The following GRIP1 variants were observed in gnomAD, a reference collection of about 807,000 sequenced individuals.
GRIP1 encodes the protein glutamate receptor-interacting protein 1.
GRIP1 carries 45 observed loss-of-function variants against 129.9 expected under a neutral mutation model. The observed-to-expected ratio is 0.35, with a 90% CI of 0.27 to 0.44. The LOEUF is 0.44. Ranked by LOEUF, GRIP1 falls within the 20% of genes least tolerant of loss-of-function variation. GRIP1 has a pLI of 1.00. For missense variants in GRIP1, 1,196 were observed against 1,396.8 expected, an observed-to-expected ratio of 0.86 and a Z score of 2.29; for synonymous variants, 530 against 520.8, an observed-to-expected ratio of 1.02 and a Z score of -0.24.
chr12:66,880,097 G>A lies in GRIP1; in HGVS notation c.58+188953C>T, dbSNP rs117228270. On this transcript the variant is annotated intron_variant, in intron 1 of 1. Transcript: ENST00000643019. ...ATGAGGCACAGAGAGTAGGTAATTTGTACAAGACCAGATAGCTTGAGGTTC... is the reference window on the plus strand; with the variant it reads ...ATGAGGCACAGAGAGTAGGTAATTTATACAAGACCAGATAGCTTGAGGTTC... Among the ~76,000 whole-genome samples, 28 of 152,200 alleles carry A rather than the reference G, an allele frequency of 1.8e-4. No homozygotes were observed. In the East Asian group the frequency reaches 2.1e-3, roughly 12 times the overall value.
intron 1 of GRIP1, among the ~76,000 whole-genome samples, chr12:66,673,096 C>T (rs989359939): frequency 4.6e-5 from 7 of 151,880 alleles, no homozygotes; most frequent in South Asian, 2.1e-4. Context: ...GGTTTCTATC[C>T]GTTTCTAGAA....
chr12:66,898,516 A>ATTG (rs2040790345), intron 1 of GRIP1, among the ~76,000 whole-genome samples: 1 of 152,094 alleles, frequency 6.6e-6, no homozygotes, highest in African/African-American at 2.4e-5. Flanking sequence ...CCTATTGATA[A>ATTG]TTGCATTTGC....
chr12:66,846,158 C>T (rs1431893152), intron 1 of GRIP1, among the ~76,000 whole-genome samples: 1 of 152,214 alleles, frequency 6.6e-6, no homozygotes, highest in African/African-American at 2.4e-5. Context: ...TTATAATTTT[C>T]ACTTGCTAAG....
At chr12:67,043,391 T>C (rs2043207340) in intron 1 of GRIP1, among the ~76,000 whole-genome samples, 1 of 152,154 alleles carries the variant, frequency 6.6e-6, no homozygotes, top group South Asian at 2.1e-4. Flanking sequence ...AGCCCTCAAA[T>C]ATCATTTTTC....
intron 1 of GRIP1, among the ~76,000 whole-genome samples, chr12:66,792,830 GA>G (rs1296240536): frequency 2.6e-5 from 4 of 152,034 alleles, no homozygotes; most frequent in Non-Finnish European, 4.4e-5. Flanking sequence ...GCTCAAACTG[GA>G]TAACATAAAT....
chr12:66,615,372 C>A (rs552317097), intron 1 of GRIP1, among the ~76,000 whole-genome samples: 33 of 152,202 alleles, frequency 2.2e-4, no homozygotes, highest in African/African-American at 7.7e-4. Context: ...AGGAGGGGAG[C>A]CACTAGCAGT....
chr12:66,989,885 G>A (rs1434453132), intron 1 of GRIP1, among the ~76,000 whole-genome samples: 1 of 152,150 alleles, frequency 6.6e-6, no homozygotes, highest in African/African-American at 2.4e-5. Flanking sequence ...GAGAGGCAGG[G>A]AAGAAAAGTG....
intron 1 of GRIP1, among the ~76,000 whole-genome samples, chr12:66,971,007 T>C (rs1349499741): frequency 6.6e-6 from 1 of 152,164 alleles, no homozygotes; most frequent in Admixed American, 6.5e-5. Context: ...TGTGAAAACC[T>C]GACGGGTTTC....
chr12:66,420,428 T>C (rs1227249898), intron 15 of GRIP1, among the ~76,000 whole-genome samples: 1 of 151,334 alleles, frequency 6.6e-6, no homozygotes, highest in African/African-American at 2.4e-5. Flanking sequence ...TTTTTTTTTT[T>C]TTTTTGGTCA....
intron 1 of GRIP1, among the ~76,000 whole-genome samples, chr12:66,607,578 A>G (rs1592639374): frequency 6.6e-6 from 1 of 152,186 alleles, no homozygotes; most frequent in Non-Finnish European, 1.5e-5. Flanking sequence ...GGCCACATCT[A>G]GCAACACAAT....
intron 1 of GRIP1, among the ~76,000 whole-genome samples, chr12:67,000,919 T>C (rs140198509): frequency 4.9e-4 from 74 of 152,328 alleles, no homozygotes; most frequent in African/African-American, 1.6e-3. Context: ...AATATTTGGG[T>C]AATATACTCC....
intron 1 of GRIP1, among the ~76,000 whole-genome samples, chr12:66,617,615 G>A (rs886308550): frequency 1.3e-5 from 2 of 151,914 alleles, no homozygotes; most frequent in African/African-American, 4.8e-5. Context: ...CAGAGAGACT[G>A]GCTTTGATTA....
chr12:66,369,116 T>C (rs41431145), intron 23 of GRIP1, among the ~76,000 whole-genome samples: 4,895 of 152,162 alleles, frequency 0.032, 278 homozygotes, highest in African/African-American at 0.11. Flanking sequence ...GAAAAAAAAG[T>C]GAAGCTTCAT....
intron 3 of GRIP1, among the ~76,000 whole-genome samples, chr12:66,540,182 T>C (rs544168092): frequency 6.6e-6 from 1 of 152,344 alleles, no homozygotes; most frequent in African/African-American, 2.4e-5. Context: ...ATGCCATTTT[T>C]ACTCCCAAAT....
chr12:66,445,481 A>C lies in GRIP1; in HGVS notation c.1382T>G (p.Leu461Trp), dbSNP rs567583705. Residue 461 changes from leucine (L) to tryptophan (W), a missense_variant, in exon 12 of 25, where the codon TTG (leucine) becomes TGG (tryptophan). Physicochemically the swap from Leu to Trp is moderately conservative, Grantham distance 61. Coordinates refer to ENST00000359742, the MANE Select transcript of GRIP1 (RefSeq NM_001366722.1). Reference sequence around the variant, plus strand: ...TTCTGTGTGAACAACCTGCCCAGCCAATCCTACTGTGCTGGAGGCTAAGGA... The same window carrying C: ...TTCTGTGTGAACAACCTGCCCAGCCCATCCTACTGTGCTGGAGGCTAAGGA... ...SLSLASSTVG[L>W]AGQVVHTETT... is the part of the protein sequence containing the mutation. 6.2e-7 allele frequency: 1 copy of C among 1,613,882 alleles called. No individual in the cohort carries two copies. Among genetic ancestry groups the C allele is most frequent in the East Asian group, 2.2e-5 (1 of 44,890 alleles).
intron 1 of GRIP1, among the ~76,000 whole-genome samples, chr12:66,665,340 C>T (rs1253078280): frequency 6.6e-6 from 1 of 152,140 alleles, no homozygotes; most frequent in Non-Finnish European, 1.5e-5. Context: ...ATGGCATACA[C>T]AAAGAATAGT....
intron 1 of GRIP1, among the ~76,000 whole-genome samples, chr12:67,042,068 C>T (rs1030532475): frequency 2.0e-5 from 3 of 152,110 alleles, no homozygotes; most frequent in Non-Finnish European, 2.9e-5. Context: ...TGAGTTATTG[C>T]AGGGGTGGGT....
intron 5 of GRIP1, among the ~76,000 whole-genome samples, chr12:66,524,530 T>C (rs1170449472): frequency 5.9e-5 from 9 of 151,838 alleles, no homozygotes; most frequent in Non-Finnish European, 1.3e-4. Context: ...TTCAAAGCAG[T>C]GTGTAGAGGG....
chr12:66,352,447 AAG>A, intron 24 of GRIP1, among the ~76,000 whole-genome samples: 1 of 152,252 alleles, frequency 6.6e-6, no homozygotes, highest in Middle Eastern at 3.4e-3. Context: ...AGAGTATACG[AAG>A]AGGTTGCGCA....
Sources: gnomAD v4.1 joint callset for allele counts (sites outside exome capture counted in the v4.1 genomes callset) on GRCh38, gnomAD v4.1.1 for gene constraint, MANE v1.5 for transcripts, NCBI Gene and HGNC (gene_info 2026-07-23, HGNC 2026-07-21) for gene names.